Variants in KHDRBS2 observed in about 807,000 individuals in gnomAD.
The protein encoded by KHDRBS2 is KH domain-containing, RNA-binding, signal transduction-associated protein 2.
Under a neutral mutation model 44.3 loss-of-function variants are expected in KHDRBS2, and 26 were observed. That is an observed-to-expected ratio of 0.59 (90% confidence interval 0.43 to 0.81). The LOEUF (loss-of-function observed/expected upper bound fraction) is 0.81. Ranked by LOEUF, KHDRBS2 falls within the 40% of genes least tolerant of loss-of-function variation. The pLI, the probability that KHDRBS2 is intolerant of heterozygous loss-of-function variation, is 0.00. For synonymous variants in KHDRBS2, 194 were observed against 151.1 expected, an observed-to-expected ratio of 1.28 and a Z score of -2.08; for missense variants, 476 against 433.1, an observed-to-expected ratio of 1.10 and a Z score of -0.88.
chr6:61,620,349 T>C, the KHDRBS2 span, among the ~76,000 whole-genome samples: 1 of 152,170 alleles, frequency 6.6e-6, no homozygotes, highest in Non-Finnish European at 1.5e-5. Flanking sequence ...ATTTTACATA[T>C]TTATATATTA....
the KHDRBS2 span, among the ~76,000 whole-genome samples, chr6:61,649,894 C>G: frequency 6.6e-6 from 1 of 152,132 alleles, no homozygotes; most frequent in Non-Finnish European, 1.5e-5. Context: ...CCAGGGTTAT[C>G]TTTTGAAACA....
intron 2 of KHDRBS2, among the ~76,000 whole-genome samples, chr6:62,064,018 C>G (rs1051444772): frequency 6.8e-6 from 1 of 147,392 alleles, no homozygotes; most frequent in African/African-American, 2.5e-5. Context: ...CATGAGTGAA[C>G]TCCCATTCAC....
intron 2 of KHDRBS2, among the ~76,000 whole-genome samples, chr6:62,066,863 T>C (rs1252047149): frequency 6.6e-6 from 1 of 151,622 alleles, no homozygotes; most frequent in African/African-American, 2.4e-5. Context: ...TTATTCAAGG[T>C]TTGGGCTGCT....
chr6:61,682,384 G>A (rs1194246404), intron 8 of KHDRBS2, among the ~76,000 whole-genome samples: 1 of 151,736 alleles, frequency 6.6e-6, no homozygotes, highest in East Asian at 1.9e-4. Context: ...TCACTGTTTA[G>A]TCTTTTATAG....
chr6:61,794,217 G>T (rs1427339581), intron 6 of KHDRBS2, among the ~76,000 whole-genome samples: 6 of 152,174 alleles, frequency 3.9e-5, no homozygotes, highest in Middle Eastern at 3.4e-3. Flanking sequence ...CTACATACAT[G>T]ATCTCATTTG....
intron 4 of KHDRBS2, among the ~76,000 whole-genome samples, chr6:61,933,467 G>C (rs1810464362): frequency 6.6e-6 from 1 of 152,130 alleles, no homozygotes; most frequent in Non-Finnish European, 1.5e-5. Context: ...CAATTCCTTT[G>C]AATATACGTT....
chr6:62,224,757 C>T (rs982620113), intron 1 of KHDRBS2, among the ~76,000 whole-genome samples: 1 of 152,162 alleles, frequency 6.6e-6, no homozygotes, highest in African/African-American at 2.4e-5. Flanking sequence ...CCATTACTAA[C>T]TAAAAATTAG....
chr6:61,579,176 C>A, the KHDRBS2 span, among the ~76,000 whole-genome samples: 1 of 152,120 alleles, frequency 6.6e-6, no homozygotes. Flanking sequence ...GTCCTCAGAA[C>A]TTCTTTTAGG....
intron 7 of KHDRBS2, among the ~76,000 whole-genome samples, chr6:61,697,721 T>C (rs371672867): frequency 6.6e-6 from 1 of 152,116 alleles, no homozygotes; most frequent in African/African-American, 2.4e-5. Context: ...ACTCCCCAAA[T>C]ATATAAGCTA....
the KHDRBS2 span, among the ~76,000 whole-genome samples, chr6:61,552,982 G>A: frequency 1.3e-5 from 2 of 152,238 alleles, no homozygotes; most frequent in African/African-American, 4.8e-5. Context: ...TTGTGTCTCT[G>A]CCAGGGTTTT....
intron 1 of KHDRBS2, among the ~76,000 whole-genome samples, chr6:62,199,871 T>C (rs571151832): frequency 1.3e-5 from 2 of 152,308 alleles, no homozygotes; most frequent in African/African-American, 2.4e-5. Flanking sequence ...AGCATGGTAC[T>C]GGTACTAAAA....
chr6:62,134,605 G>A (rs1382138877), intron 2 of KHDRBS2, among the ~76,000 whole-genome samples: 1 of 152,072 alleles, frequency 6.6e-6, no homozygotes. Flanking sequence ...CTTGCACTGT[G>A]TACCTGGAAA....
At chr6:62,145,626 ATT>A (rs1168515621) in intron 2 of KHDRBS2, among the ~76,000 whole-genome samples, 1 of 151,736 alleles carries the variant, frequency 6.6e-6, no homozygotes, top group Non-Finnish European at 1.5e-5. Context: ...TTAGCTATTA[ATT>A]CTAGTTTAAT....
At chr6:61,647,114 TG>T in the KHDRBS2 span, among the ~76,000 whole-genome samples, 29,191 of 152,084 alleles carry the variant, frequency 0.19, 3,311 homozygotes, top group South Asian at 0.33. Flanking sequence ...CCACTGTGCC[TG>T]GCCCATATGG....
At chr6:61,557,911 T>A in the KHDRBS2 span, among the ~76,000 whole-genome samples, 1 of 152,174 alleles carries the variant, frequency 6.6e-6, no homozygotes, top group East Asian at 1.9e-4. Flanking sequence ...TTCTAGATTT[T>A]CCAGTTTATT....
chr6:61,905,649 CTTTTCT>C, intron 4 of KHDRBS2, among the ~76,000 whole-genome samples: 1 of 152,020 alleles, frequency 6.6e-6, no homozygotes, highest in Non-Finnish European at 1.5e-5. Flanking sequence ...AGAGACAGAA[CTTTTCT>C]AATCATAATT....
At chr6:61,599,068 G>A in the KHDRBS2 span, among the ~76,000 whole-genome samples, 93 of 151,866 alleles carry the variant, frequency 6.1e-4, no homozygotes, top group African/African-American at 2.2e-3. Context: ...TGAGTAGCTG[G>A]CATTACAGGT....
intron 6 of KHDRBS2, among the ~76,000 whole-genome samples, chr6:61,869,936 G>C (rs80276074): frequency 6.6e-6 from 1 of 151,110 alleles, no homozygotes; most frequent in African/African-American, 2.5e-5. Flanking sequence ...GCAGCCATTC[G>C]GGTAGACACC....
At chr6:61,963,658 G>A (rs1769259100) in intron 4 of KHDRBS2, among the ~76,000 whole-genome samples, 1 of 151,886 alleles carries the variant, frequency 6.6e-6, no homozygotes, top group African/African-American at 2.4e-5. Flanking sequence ...TAATATTTTG[G>A]GAAATGATGT....
Sources: allele counts gnomAD v4.1 joint callset (sites outside exome capture counted in the v4.1 genomes callset), GRCh38; gene constraint gnomAD v4.1.1; transcripts MANE v1.5; gene names NCBI Gene and HGNC (gene_info 2026-07-23, HGNC 2026-07-21).